Variants in HSF1 observed in about 807,000 individuals in gnomAD.
The protein encoded by HSF1 is heat shock factor protein 1.
Under a neutral mutation model 51.7 loss-of-function variants are expected in HSF1, and 32 were observed. The observed-to-expected ratio is 0.62, with a 90% CI of 0.47 to 0.83. The LOEUF is 0.83. HSF1 is among the 40% of genes least tolerant of loss of function. HSF1 has a pLI of 0.00. For synonymous variants in HSF1, 396 were observed against 309.7 expected, an observed-to-expected ratio of 1.28 and a Z score of -2.92; for missense variants, 727 against 717.0, an observed-to-expected ratio of 1.01 and a Z score of -0.16.
chr8:144,300,446 T>C (rs1481019951), intron 1 of HSF1, among the ~76,000 whole-genome samples: 11 of 152,070 alleles, frequency 7.2e-5, no homozygotes, highest in Non-Finnish European at 1.3e-4. Context: ...CTCAATCTCC[T>C]GACCTCGTGA....
At chr8:144,313,454 G>A in intron 9 of HSF1, 57 bp from the exon 10 acceptor site, 1 of 1,132,536 alleles carries the variant, frequency 8.8e-7, no homozygotes. Flanking sequence ...CCCACAGGAG[G>A]GCATTGGGGT....
Position 144,291,808 on chromosome 8 carries a change from C to T in HSF1, c.51C>T (p.Ala17=). ...CGGCGGGGCCCAGCAACGTCCCGGC[C>T]TTCCTGACCAAGCTGTGGACCCTCG... ...PGAAGPSNVP[A]FLTKLWTLVS... is the part of the protein sequence containing the mutation. Residue 17 remains alanine (A), a synonymous_variant, in exon 1 of 13, where the codon GCC becomes GCT. Coordinates refer to ENST00000528838, the MANE Select transcript of HSF1 (RefSeq NM_005526.4). This position sits in a 1 kb window ranked among gnomAD's most constrained non-coding sequence, Gnocchi z 4.1. 6.4e-7 allele frequency: 1 copy of T among 1,555,998 alleles called. No individual in the cohort carries two copies.
rs191891262 is a variant in HSF1, at chr8:144,314,714, T to G, written c.*384T>G. Reference sequence around the variant, plus strand: ...GGCAGAGATCTATAAACAGACAGGCTCTATGCTATGGCCTCCATGTGTTTC... The same window carrying G: ...GGCAGAGATCTATAAACAGACAGGCGCTATGCTATGGCCTCCATGTGTTTC... On this transcript the variant is annotated 3_prime_UTR_variant, in exon 13 of 13. Transcript: ENST00000528838. 1.2e-3 allele frequency: 306 copies of G among 245,352 alleles called. 2 individuals are homozygous for G. The highest frequency in any genetic ancestry group is 6.1e-3 in the African/African-American group (281 of 45,758). The allele number at this position is 245,352 out of a possible 1,614,324, so 15.2% of individuals were successfully genotyped here. A position where few individuals can be genotyped will look rare whatever the true frequency, so the allele number is the denominator to read the frequency against.
chr8:144,309,929 G>A (rs782745905), intron 4 of HSF1, 33 bp downstream of exon 4: 14 of 1,525,248 alleles, frequency 9.2e-6, no homozygotes, highest in Middle Eastern at 1.9e-4. Context: ...GGGCCACAGC[G>A]GGTCCTGGCG....
chr8:144,310,138 C>T, intron 4 of HSF1: 2 of 511,272 alleles, frequency 3.9e-6, no homozygotes, highest in Non-Finnish European at 7.0e-6. Context: ...TGCACATCCC[C>T]AGCGCCCTCT....
rs1381086159 is a variant in HSF1, at chr8:144,297,699, G to T, written c.117+5825G>T. Among the ~76,000 whole-genome samples, 10 of 152,180 alleles carry T rather than the reference G, an allele frequency of 6.6e-5. No individual in the cohort carries two copies. The highest frequency in any genetic ancestry group is 2.4e-4 in the African/African-American group (10 of 41,426). Reference sequence around the variant, plus strand: ...TTGCTCCTAAAGCCTATACTCCCGGGACCCGGAGAGGGAACAGCCGGCCAG... The same window carrying T: ...TTGCTCCTAAAGCCTATACTCCCGGTACCCGGAGAGGGAACAGCCGGCCAG... On this transcript the variant is annotated intron_variant, in intron 1 of 12. Coordinates refer to ENST00000528838, the MANE Select transcript of HSF1 (RefSeq NM_005526.4). This position sits in a 1 kb window ranked among gnomAD's most constrained non-coding sequence, Gnocchi z 4.6.
chr8:144,307,955 G>A (rs564665180), intron 1 of HSF1, among the ~76,000 whole-genome samples: 6 of 152,188 alleles, frequency 3.9e-5, no homozygotes, highest in African/African-American at 1.2e-4. Flanking sequence ...GGTCCTTTCC[G>A]TGACCGTTTC....
intron 3 of HSF1, 36 bp downstream of exon 3, chr8:144,309,627 C>T: frequency 6.2e-7 from 1 of 1,610,232 alleles, no homozygotes; most frequent in East Asian, 2.2e-5. Context: ...CCGGTCTCAC[C>T]TGCCACAGCT....
chr8:144,309,588 C>G lies in HSF1; in HGVS notation c.360C>G (p.Thr120=), dbSNP rs1006023669. The change falls in exon 3 of 13, where the codon ACC becomes ACG. Residue 120 remains threonine, a synonymous_variant. Transcript: ENST00000528838. ...QLLENIKRKV[T]SVSTLKSEDI... Reference sequence around the variant, plus strand: ...TTGAGAACATCAAGAGGAAAGTGACCAGTGTGAGTGCCGGCCCTGCACCCT... The same window carrying G: ...TTGAGAACATCAAGAGGAAAGTGACGAGTGTGAGTGCCGGCCCTGCACCCT... 5.6e-6 allele frequency: 9 copies of G among 1,613,742 alleles called. No individual in the cohort carries two copies. In the African/African-American group the frequency reaches 1.2e-4, roughly 22 times the overall value.
intron 1 of HSF1, among the ~76,000 whole-genome samples, chr8:144,300,280 A>C (rs1260635436): frequency 7.2e-6 from 1 of 139,210 alleles, no homozygotes; most frequent in African/African-American, 2.7e-5. Flanking sequence ...GCAGTGGCAC[A>C]ATCTCGGCTC....
chr8:144,301,637 C>T lies in HSF1; in HGVS notation c.118-7269C>T, dbSNP rs959552622. Among the ~76,000 whole-genome samples the T allele has an allele frequency of 1.3e-4, 20 of 152,184 alleles. No individual in the cohort carries two copies. In the East Asian group the frequency reaches 1.6e-3, roughly 12 times the overall value. On this transcript the variant is annotated intron_variant, in intron 1 of 12. Transcript: ENST00000528838. ...ATCCCAGCACTTTGGGAGGCCAAGG[C>T]GGGCGGATCACCAGGTCAGGAGGTC...
Position 144,312,168 on chromosome 8 carries a change from G to A in HSF1, c.1066G>A (p.Asp356Asn), listed in dbSNP as rs782350756. The change falls in exon 9 of 13, where the codon GAC (aspartate) becomes AAC (asparagine). Residue 356 changes from aspartate (D) to asparagine (N), a missense_variant. This residue lies in a region of HSF1 where 470 missense variants were observed against 398.8 expected (regional missense o/e 1.18). Coordinates refer to ENST00000528838, the MANE Select transcript of HSF1 (RefSeq NM_005526.4). ...CCTCACGGACGCCAGGGGCCACACG[G>A]ACACCGAGGGCCGGCCTCCCTCCCC... ...TALTDARGHTDTEGRPPSPPP... is the reference protein window; with the variant it reads ...TALTDARGHTNTEGRPPSPPP... The A allele has an allele frequency of 3.1e-6, 5 of 1,608,854 alleles. No homozygotes were observed. Among genetic ancestry groups the A allele is most frequent in the Non-Finnish European group, 2.5e-6 (3 of 1,177,860 alleles).
intron 9 of HSF1, chr8:144,312,507 C>T (rs527869342): frequency 3.2e-6 from 3 of 934,796 alleles, no homozygotes; most frequent in East Asian, 5.3e-5. Flanking sequence ...ACCCTCGCCA[C>T]AGGCCACGGG....
At chr8:144,302,027 G>A (rs1375470345) in intron 1 of HSF1, among the ~76,000 whole-genome samples, 5 of 151,666 alleles carry the variant, frequency 3.3e-5, no homozygotes, top group Non-Finnish European at 7.4e-5. Flanking sequence ...CTAGCTGGGC[G>A]TGGTGGCAGG....
chr8:144,308,820 T>C (rs1037566726), intron 1 of HSF1, 86 bp from the exon 2 acceptor site: 3 of 1,100,908 alleles, frequency 2.7e-6, no homozygotes, highest in African/African-American at 1.5e-5. Context: ...TGCCTGCGTT[T>C]CAGAAGGGGC....
chr8:144,295,070 C>T (rs1014650776), intron 1 of HSF1, among the ~76,000 whole-genome samples: 2 of 152,120 alleles, frequency 1.3e-5, no homozygotes, highest in African/African-American at 2.4e-5. Context: ...CCATGAGACC[C>T]GGGACCCGCA....
chr8:144,305,212 G>C (rs1363733199), intron 1 of HSF1, among the ~76,000 whole-genome samples: 1 of 152,154 alleles, frequency 6.6e-6, no homozygotes, highest in East Asian at 1.9e-4. Context: ...CTCCCAACAT[G>C]CTGGGATTAC....
chr8:144,296,116 G>C (rs1815435087), intron 1 of HSF1, among the ~76,000 whole-genome samples: 2 of 152,320 alleles, frequency 1.3e-5, no homozygotes, highest in East Asian at 3.9e-4. Context: ...CCGCTGTGGA[G>C]GGTCTCTGGG....
rs1554844959 is a variant in HSF1, at chr8:144,312,176, G to GGGCC, written c.1079_1082dup (p.Pro362AlafsTer11). 1 of 1,606,660 alleles carries GGGCC rather than the reference G, an allele frequency of 6.2e-7. No individual in the cohort carries two copies. The highest frequency in any genetic ancestry group is 1.7e-5 in the Admixed American group (1 of 59,956). ...ACGCCAGGGGCCACACGGACACCGAGGGCCGGCCTCCCTCCCCCCCGCCCA... is the reference window on the plus strand; with the variant it reads ...ACGCCAGGGGCCACACGGACACCGAGGGCCGGCCGGCCTCCCTCCCCCCCGCCCA... On this transcript the variant is annotated frameshift_variant, in exon 9 of 13. Transcript: ENST00000528838. LOFTEE classifies it high-confidence loss of function.
Sources: gnomAD v4.1 joint callset for allele counts (sites outside exome capture counted in the v4.1 genomes callset) on GRCh38, gnomAD v4.1.1 for gene constraint, gnomAD v4.1.1 regional missense constraint, Gnocchi (gnomAD v3.1) non-coding constraint, MANE v1.5 for transcripts, NCBI Gene and HGNC (gene_info 2026-07-23, HGNC 2026-07-21) for gene names.